Variants in EPB41 observed in about 807,000 individuals in gnomAD.
The protein encoded by EPB41 is protein 4.1.
EPB41 carries 65 observed loss-of-function variants against 108.0 expected under a neutral mutation model. The ratio of observed to expected loss-of-function variants is 0.60; its 90% CI spans 0.49 to 0.74. The LOEUF (loss-of-function observed/expected upper bound fraction) is 0.74, where lower values mean the gene tolerates loss of function less well. EPB41 is among the 30% of genes least tolerant of loss of function. EPB41 has a pLI of 0.00. For synonymous variants in EPB41, 336 were observed against 358.9 expected, an observed-to-expected ratio of 0.94 and a Z score of 0.72; for missense variants, 875 against 1,037.0, an observed-to-expected ratio of 0.84 and a Z score of 2.15.
chr1:29,098,575 A>G (rs924120500), intron 17 of EPB41, among the ~76,000 whole-genome samples: 1 of 152,196 alleles, frequency 6.6e-6, no homozygotes, highest in Non-Finnish European at 1.5e-5. Flanking sequence ...AGTCTGGTGT[A>G]ATGGTTGAGA....
chr1:28,901,199 G>T (rs1004898260), intron 1 of EPB41, among the ~76,000 whole-genome samples: 1 of 151,308 alleles, frequency 6.6e-6, no homozygotes, highest in Non-Finnish European at 1.5e-5. Context: ...AAAGTGCTGG[G>T]ATTACAGGCG....
chr1:29,036,000 C>A (rs1217122642), intron 10 of EPB41, 77 bp downstream of exon 10: 2 of 1,128,914 alleles, frequency 1.8e-6, no homozygotes, highest in Non-Finnish European at 2.6e-6. Context: ...ATTAAAATTC[C>A]TTTCATTGTA....
chr1:29,033,726 A>G (rs1463133360), intron 9 of EPB41, among the ~76,000 whole-genome samples: 1 of 152,170 alleles, frequency 6.6e-6, no homozygotes, highest in Non-Finnish European at 1.5e-5. Context: ...ACTTTGTACC[A>G]GTTAATTCAT....
Position 29,041,122 on chromosome 1 carries a change from TGA to T in EPB41, c.1636+1700_1636+1701del, listed in dbSNP as rs1188132904. 2.7e-5 allele frequency: 4 copies of T among 148,048 alleles called. No homozygotes were observed. In the East Asian group the frequency reaches 7.9e-4, roughly 29 times the overall value. The allele number at this position is 148,048 out of a possible 1,614,324, so 9.2% of individuals were successfully genotyped here. A position where few individuals can be genotyped will look rare whatever the true frequency, so the allele number is the denominator to read the frequency against. ...TTGGACTCCAGCCTGGGAGACAGAG[TGA>T]GAGTGTCTCATAAATAAATAAATTA... is the stretch of plus-strand genomic sequence containing the variant. On this transcript the variant is annotated intron_variant, in intron 11 of 20. Coordinates refer to ENST00000343067, the MANE Select transcript of EPB41 (RefSeq NM_001376013.1).
chr1:29,086,809 G>A (rs1659124763), intron 16 of EPB41, among the ~76,000 whole-genome samples: 1 of 152,092 alleles, frequency 6.6e-6, no homozygotes. Context: ...GACTAAATGT[G>A]TGGGGATAAA....
intron 16 of EPB41, among the ~76,000 whole-genome samples, chr1:29,094,693 A>G (rs1344658579): frequency 6.6e-6 from 1 of 152,146 alleles, no homozygotes; most frequent in Non-Finnish European, 1.5e-5. Context: ...TCAAATGACT[A>G]ATTCATTTCC....
chr1:28,909,342 C>G (rs1185843166), intron 1 of EPB41, among the ~76,000 whole-genome samples: 2 of 152,038 alleles, frequency 1.3e-5, no homozygotes, highest in Non-Finnish European at 2.9e-5. Flanking sequence ...GTGGCCTGTG[C>G]TTGTAATCCC....
chr1:28,942,378 T>C (rs1428758156), intron 1 of EPB41, among the ~76,000 whole-genome samples: 1 of 152,222 alleles, frequency 6.6e-6, no homozygotes, highest in Non-Finnish European at 1.5e-5. Flanking sequence ...TGGCTCCAAA[T>C]TGGGGTTCCC....
chr1:29,037,063 C>G (rs754561178), intron 10 of EPB41, among the ~76,000 whole-genome samples: 1 of 151,742 alleles, frequency 6.6e-6, no homozygotes, highest in Non-Finnish European at 1.5e-5. Flanking sequence ...CAATAGTACC[C>G]GATAATCAGA....
intron 9 of EPB41, among the ~76,000 whole-genome samples, chr1:29,034,663 T>C (rs1422292658): frequency 6.6e-6 from 1 of 152,200 alleles, no homozygotes; most frequent in Non-Finnish European, 1.5e-5. Flanking sequence ...GGACAGTGTT[T>C]CTAGTAACCC....
chr1:29,033,192 C>T lies in EPB41; in HGVS notation c.1312C>T (p.Leu438=). 1 of 1,614,000 alleles carries T rather than the reference C, an allele frequency of 6.2e-7. No individual in the cohort carries two copies. The highest frequency in any genetic ancestry group is 8.5e-7 in the Non-Finnish European group (1 of 1,179,940). Residue 438 remains leucine (L), a synonymous_variant, in exon 9 of 21, where the codon CTG becomes TTG. Transcript: ENST00000343067. The part of the protein sequence containing the change: ...RINRFPWPKV[L]KISYKRSSFF... ...TAACCGCTTCCCTTGGCCCAAAGTG[C>T]TGAAGATTTCTTATAAACGTAGTAG...
intron 1 of EPB41, among the ~76,000 whole-genome samples, chr1:28,984,012 G>A (rs2095817501): frequency 6.7e-6 from 1 of 149,414 alleles, no homozygotes; most frequent in South Asian, 2.2e-4. Context: ...TCAGCGGGAA[G>A]GGGAGCTGAA....
At position 29,065,118 on chromosome 1, in the gene EPB41, G is replaced by C; in HGVS notation, c.2144G>C (p.Arg715Pro). 6.2e-7 allele frequency: 1 copy of C among 1,612,358 alleles called. No homozygotes were observed. The highest frequency in any genetic ancestry group is 8.5e-7 in the Non-Finnish European group (1 of 1,178,728). Residue 715 changes from arginine to proline, a missense_variant, in exon 16 of 21, where the codon CGA becomes CCA. Coordinates refer to ENST00000343067, the MANE Select transcript of EPB41 (RefSeq NM_001376013.1). ...DKRLSTHSPF[R>P]TLNINGQIPT... ...CGCTTATCCACTCACTCACCCTTCCGAACTCTTAACATCAATGGGCAAATC... is the reference window on the plus strand; with the variant it reads ...CGCTTATCCACTCACTCACCCTTCCCAACTCTTAACATCAATGGGCAAATC...
chr1:29,016,182 T>G (rs2096575448), intron 6 of EPB41, among the ~76,000 whole-genome samples: 1 of 152,182 alleles, frequency 6.6e-6, no homozygotes, highest in South Asian at 2.1e-4. Context: ...TGTTGTTGTT[T>G]TTTGTTTTTT....
Position 29,115,636 on chromosome 1 carries a change from C to A in EPB41, c.2497-63C>A. ...GTCAGAACATCAGAGAAATGATGAC[C>A]ACTGCCTTCCTTCGCCATCAGGCTA... On this transcript the variant is annotated intron_variant, in intron 19 of 20. Coordinates refer to ENST00000343067, the MANE Select transcript of EPB41 (RefSeq NM_001376013.1). This position sits in a 1 kb window ranked among gnomAD's most constrained non-coding sequence, Gnocchi z 4.4. 7.5e-7 allele frequency: 1 copy of A among 1,340,852 alleles called. No homozygotes were observed. Among genetic ancestry groups the A allele is most frequent in the Non-Finnish European group, 1.1e-6 (1 of 936,284 alleles). The allele number at this position is 1,340,852 out of a possible 1,614,324, so 83.1% of individuals were successfully genotyped here.
At position 29,115,313 on chromosome 1, in the gene EPB41, A is replaced by G. The variant is rs557512598; in HGVS notation, c.2497-386A>G. 6.6e-6 allele frequency among the ~76,000 whole-genome samples: 1 copy of G among 152,258 alleles called. No individual in the cohort carries two copies. Among genetic ancestry groups the G allele is most frequent in the East Asian group, 1.9e-4 (1 of 5,180 alleles). ...GAGGCTGAAGCAGGAGAACTGCTTG[A>G]ACCTGGGAGGCGGAGGTTGCAGTGA... On this transcript the variant is annotated intron_variant, in intron 19 of 20. Transcript: ENST00000343067. The surrounding 1 kb of genome is among the most constrained non-coding windows in gnomAD (Gnocchi z 4.4).
intron 1 of EPB41, among the ~76,000 whole-genome samples, chr1:28,931,308 G>A (rs2093727658): frequency 6.7e-6 from 1 of 150,090 alleles, no homozygotes; most frequent in Non-Finnish European, 1.5e-5. Context: ...TGAGGTGGGA[G>A]GGTCACTTGA....
intron 11 of EPB41, among the ~76,000 whole-genome samples, chr1:29,045,196 G>T (rs1180906871): frequency 6.6e-6 from 1 of 152,004 alleles, no homozygotes; most frequent in Non-Finnish European, 1.5e-5. Context: ...GAGATAATTG[G>T]TATTATAATA....
intron 7 of EPB41, among the ~76,000 whole-genome samples, chr1:29,026,373 T>C (rs1429910609): frequency 3.9e-5 from 6 of 152,130 alleles, no homozygotes; most frequent in African/African-American, 1.2e-4. Flanking sequence ...TTCCAATATA[T>C]AGATAGGTAG....
Sources: gnomAD v4.1 joint callset for allele counts (sites outside exome capture counted in the v4.1 genomes callset) on GRCh38, gnomAD v4.1.1 for gene constraint, Gnocchi (gnomAD v3.1) non-coding constraint, MANE v1.5 for transcripts, NCBI Gene and HGNC (gene_info 2026-07-23, HGNC 2026-07-21) for gene names.